The following SLC4A4 variants were observed in gnomAD, a reference collection of about 807,000 sequenced individuals.
SLC4A4 encodes electrogenic sodium bicarbonate cotransporter 1.
In SLC4A4, 27 loss-of-function variants were observed where a neutral mutation model predicts 111.5. The observed-to-expected ratio is 0.24, with a 90% CI of 0.18 to 0.33. The LOEUF is 0.33. SLC4A4 is among the 10% of genes least tolerant of loss of function. The pLI is 1.00. For missense variants in SLC4A4, 909 were observed against 1,315.5 expected, an observed-to-expected ratio of 0.69 and a Z score of 4.78; for synonymous variants, 443 against 463.4, an observed-to-expected ratio of 0.96 and a Z score of 0.57.
intron 1 of SLC4A4, among the ~76,000 whole-genome samples, chr4:71,089,314 G>T (rs1037914222): frequency 4.6e-5 from 7 of 151,978 alleles, no homozygotes; most frequent in African/African-American, 1.7e-4. Context: ...TTTTTTCAAG[G>T]TTTTTAACTT....
At chr4:71,245,986 T>C (rs1047047768) in intron 2 of SLC4A4, among the ~76,000 whole-genome samples, 2 of 152,114 alleles carry the variant, frequency 1.3e-5, no homozygotes. Flanking sequence ...GATTAAATAG[T>C]AGCTACTGGA....
At chr4:71,285,293 C>T (rs1723828489) in intron 3 of SLC4A4, among the ~76,000 whole-genome samples, 1 of 152,140 alleles carries the variant, frequency 6.6e-6, no homozygotes, top group South Asian at 2.1e-4. Context: ...CTTTGTGAAC[C>T]TATCCTGACT....
At chr4:71,332,143 G>T (rs530967773) in intron 3 of SLC4A4, among the ~76,000 whole-genome samples, 2 of 151,808 alleles carry the variant, frequency 1.3e-5, no homozygotes, top group East Asian at 1.9e-4. Context: ...TGGATCTTTT[G>T]TATTGCTTTT....
chr4:71,134,423 G>T (rs1364183746), intron 2 of SLC4A4, among the ~76,000 whole-genome samples: 1 of 152,216 alleles, frequency 6.6e-6, no homozygotes, highest in East Asian at 1.9e-4. Context: ...TATAAGGCTT[G>T]TTGTCTACAC....
chr4:71,099,662 G>A (rs1742659101), intron 2 of SLC4A4, among the ~76,000 whole-genome samples: 1 of 151,924 alleles, frequency 6.6e-6, no homozygotes, highest in Admixed American at 6.6e-5. Flanking sequence ...AGTTGGTTTT[G>A]TAAAAAAATT....
intron 3 of SLC4A4, among the ~76,000 whole-genome samples, chr4:71,258,445 C>A (rs993533029): frequency 6.6e-6 from 1 of 152,118 alleles, no homozygotes; most frequent in Admixed American, 6.5e-5. Context: ...TTTTTGAGAG[C>A]TTACAGGTTT....
chr4:71,466,931 A>AAGAGAG (rs61128918), intron 13 of SLC4A4, among the ~76,000 whole-genome samples: 31 of 94,818 alleles, frequency 3.3e-4, no homozygotes, highest in African/African-American at 9.2e-4. Flanking sequence ...ACAAGACGGG[A>AAGAGAG]AGAGAGAGAG....
chr4:71,452,590 T>G (rs1725867677), intron 11 of SLC4A4, among the ~76,000 whole-genome samples: 1 of 152,124 alleles, frequency 6.6e-6, no homozygotes, highest in Admixed American at 6.5e-5. Context: ...AAGTGCAAGG[T>G]CAAGACTTCG....
At chr4:71,195,569 TA>T (rs531022330) in intron 1 of SLC4A4, among the ~76,000 whole-genome samples, 2 of 152,342 alleles carry the variant, frequency 1.3e-5, no homozygotes, top group South Asian at 4.1e-4. Flanking sequence ...ACTACTGTTT[TA>T]AAAACAGTGA....
At chr4:71,086,955 G>C (rs1484898774) in intron 1 of SLC4A4, among the ~76,000 whole-genome samples, 3 of 151,974 alleles carry the variant, frequency 2.0e-5, no homozygotes, top group Non-Finnish European at 4.4e-5. Context: ...TTTTTCTATT[G>C]ATTGGAATAG....
chr4:71,139,035 CAAAAAAAAAAA>C (rs5859250), intron 2 of SLC4A4, among the ~76,000 whole-genome samples: 2 of 42,846 alleles, frequency 4.7e-5, no homozygotes, highest in African/African-American at 2.0e-4. Context: ...GACTCCGTCT[CAAAAAAAAAAA>C]AAAAAAAAAA....
chr4:71,439,272 G>A lies in SLC4A4; in HGVS notation c.808-1344G>A, dbSNP rs571372377. ...TGAAACTCTCTCTCTACTAAAAGAC[G>A]AAAAAATTACCCAGGCATGGTGATG... On this transcript the variant is annotated intron_variant, in intron 7 of 25. Transcript: ENST00000264485. 5.3e-5 allele frequency among the ~76,000 whole-genome samples: 8 copies of A among 150,324 alleles called. No homozygotes were observed. The South Asian group carries it at 1.5e-3, about 28-fold the overall frequency.
At chr4:71,409,316 G>T (rs185896053) in intron 7 of SLC4A4, among the ~76,000 whole-genome samples, 2 of 152,354 alleles carry the variant, frequency 1.3e-5, no homozygotes, top group Admixed American at 1.3e-4. Context: ...AACCTCTAGA[G>T]ACTTGTTGAA....
At chr4:71,272,326 T>G (rs1467837897) in intron 3 of SLC4A4, among the ~76,000 whole-genome samples, 1 of 152,174 alleles carries the variant, frequency 6.6e-6, no homozygotes, top group Non-Finnish European at 1.5e-5. Context: ...ATACACTACC[T>G]TCTTTAGTCT....
intron 3 of SLC4A4, among the ~76,000 whole-genome samples, chr4:71,265,632 A>G (rs1239752886): frequency 6.6e-6 from 1 of 152,182 alleles, no homozygotes; most frequent in Non-Finnish European, 1.5e-5. Context: ...CCAGCTCTCT[A>G]CATCCAATCC....
At chr4:71,296,429 C>G (rs1274800389) in intron 3 of SLC4A4, among the ~76,000 whole-genome samples, 1 of 152,034 alleles carries the variant, frequency 6.6e-6, no homozygotes, top group African/African-American at 2.4e-5. Flanking sequence ...CACTTTGTAC[C>G]TCTTAATGGC....
At chr4:71,377,035 A>G (rs147726555) in intron 6 of SLC4A4, among the ~76,000 whole-genome samples, 1 of 152,352 alleles carries the variant, frequency 6.6e-6, no homozygotes, top group East Asian at 1.9e-4. Flanking sequence ...TTTTCATAAG[A>G]TATACGACTT....
intron 2 of SLC4A4, among the ~76,000 whole-genome samples, chr4:71,252,071 C>A (rs1721104929): frequency 6.6e-6 from 1 of 152,126 alleles, no homozygotes; most frequent in Non-Finnish European, 1.5e-5. Flanking sequence ...GTCTTCATGA[C>A]ATATCCCTTA....
intron 3 of SLC4A4, among the ~76,000 whole-genome samples, chr4:71,265,399 T>A (rs1722166763): frequency 6.6e-6 from 1 of 152,170 alleles, no homozygotes; most frequent in African/African-American, 2.4e-5. Flanking sequence ...AAAAATGTCA[T>A]TGATTTCTGT....
Sources: allele counts gnomAD v4.1 joint callset (sites outside exome capture counted in the v4.1 genomes callset), GRCh38; gene constraint gnomAD v4.1.1; transcripts MANE v1.5; gene names NCBI Gene and HGNC (gene_info 2026-07-23, HGNC 2026-07-21).